DCDC1: variants seen among roughly 807,000 people sequenced by gnomAD.
The protein encoded by DCDC1 is doublecortin domain-containing protein 1.
In DCDC1, 200 loss-of-function variants were observed where a neutral mutation model predicts 178.3. The ratio of observed to expected loss-of-function variants is 1.12; its 90% CI spans 1.00 to 1.26. DCDC1 has a LOEUF of 1.26. Among genes scored for constraint, DCDC1 ranks in the 50% most tolerant of loss-of-function variants. The pLI is 0.00. For missense variants in DCDC1, 1,983 were observed against 1,749.2 expected, an observed-to-expected ratio of 1.13 and a Z score of -2.38; for synonymous variants, 690 against 604.8, an observed-to-expected ratio of 1.14 and a Z score of -2.07.
At chr11:31,248,985 A>C (rs918370785) in intron 8 of DCDC1, among the ~76,000 whole-genome samples, 1 of 152,148 alleles carries the variant, frequency 6.6e-6, no homozygotes, top group Non-Finnish European at 1.5e-5. Context: ...ATTTCATAAT[A>C]AACTTCTGGG....
At chr11:31,043,260 C>T (rs569209746) in intron 20 of DCDC1, among the ~76,000 whole-genome samples, 50 of 152,258 alleles carry the variant, frequency 3.3e-4, no homozygotes, top group African/African-American at 1.2e-3. Context: ...CTGATACATA[C>T]TTGTATGTAA....
intron 13 of DCDC1, among the ~76,000 whole-genome samples, 192 bp downstream of exon 13, chr11:31,106,605 C>G (rs208079): frequency 0.51 from 78,133 of 151,948 alleles, 20,725 homozygotes; most frequent in African/African-American, 0.65. Flanking sequence ...AAGTCACAGA[C>G]AGAGATAGAG....
intron 20 of DCDC1, among the ~76,000 whole-genome samples, chr11:31,063,861 A>T (rs1434970880): frequency 6.6e-6 from 1 of 152,182 alleles, no homozygotes; most frequent in African/African-American, 2.4e-5. Context: ...CAATTTATAA[A>T]GTCAGTTTAT....
intron 18 of DCDC1, among the ~76,000 whole-genome samples, chr11:31,071,546 C>T (rs576446068): frequency 6.6e-6 from 1 of 152,238 alleles, no homozygotes; most frequent in East Asian, 1.9e-4. Context: ...TGTAGCCCCT[C>T]CCATACTGTC....
rs561298328 is a variant in DCDC1 at position 31,301,827 on chromosome 11, C to A, written c.754+3788G>T. 3.9e-5 allele frequency among the ~76,000 whole-genome samples: 6 copies of A among 152,206 alleles called. No individual in the cohort carries two copies. In the South Asian group the frequency reaches 1.2e-3, roughly 32 times the overall value. ...TCTTGTCAATCACAAGCTGTCATAG[C>A]AAATTATTTCATTTTGTAGATCACA... On this transcript the variant is annotated intron_variant, in intron 6 of 38. Transcript: ENST00000684477.
chr11:31,224,123 C>G (rs61879860), intron 9 of DCDC1, among the ~76,000 whole-genome samples: 14,325 of 152,144 alleles, frequency 0.094, 961 homozygotes, highest in Non-Finnish European at 0.14. Flanking sequence ...CTTCATGATT[C>G]TGAGGCCTCC....
chr11:30,994,373 C>T (rs909739801), intron 20 of DCDC1, among the ~76,000 whole-genome samples: 2 of 151,918 alleles, frequency 1.3e-5, no homozygotes, highest in African/African-American at 2.4e-5. Flanking sequence ...CTCACTGCAA[C>T]CTCTGCCTCC....
chr11:30,941,947 G>A (rs529184640), intron 21 of DCDC1, among the ~76,000 whole-genome samples: 1 of 152,206 alleles, frequency 6.6e-6, no homozygotes, highest in African/African-American at 2.4e-5. Flanking sequence ...AGAATATCTT[G>A]CTTGGTAAAC....
intron 26 of DCDC1, among the ~76,000 whole-genome samples, chr11:30,916,075 G>T (rs898668278): frequency 1.3e-5 from 2 of 152,094 alleles, no homozygotes; most frequent in Non-Finnish European, 2.9e-5. Context: ...TAAAAACAGA[G>T]AAATAAAGGA....
chr11:30,991,274 T>C (rs1950964821), intron 20 of DCDC1, among the ~76,000 whole-genome samples: 1 of 152,030 alleles, frequency 6.6e-6, no homozygotes, highest in Non-Finnish European at 1.5e-5. Context: ...TAGACTGTAA[T>C]ACTAGGTATA....
At chr11:31,208,940 CTTT>C (rs373257887) in intron 9 of DCDC1, among the ~76,000 whole-genome samples, 1 of 152,000 alleles carries the variant, frequency 6.6e-6, no homozygotes. Context: ...CTGAAATTAT[CTTT>C]TTTTTATGTT....
chr11:31,137,170 A>G (rs1963234832), intron 10 of DCDC1, among the ~76,000 whole-genome samples: 1 of 152,146 alleles, frequency 6.6e-6, no homozygotes, highest in Admixed American at 6.5e-5. Flanking sequence ...CTTTTTTCAG[A>G]AAATTATATT....
chr11:31,346,694 A>C (rs1048360360), intron 1 of DCDC1, among the ~76,000 whole-genome samples: 1 of 152,130 alleles, frequency 6.6e-6, no homozygotes, highest in Admixed American at 6.5e-5. Flanking sequence ...TTTTTGTTAG[A>C]CATATAAACC....
At chr11:31,364,202 T>A (rs1951843554) in intron 1 of DCDC1, among the ~76,000 whole-genome samples, 1 of 152,218 alleles carries the variant, frequency 6.6e-6, no homozygotes, top group South Asian at 2.1e-4. Context: ...AATAATATTT[T>A]CAACTTAAAA....
Position 31,127,532 on chromosome 11 carries a change from A to C in DCDC1, c.1422T>G (p.Tyr474Ter). 1 of 702,786 alleles carries C rather than the reference A, an allele frequency of 1.4e-6. No homozygotes were observed. The allele number at this position is 702,786 out of a possible 1,614,324, so 43.5% of individuals were successfully genotyped here. ...LQAEQEQFSSYVYQHIKSLPA... is the reference protein window; with the variant it reads ...LQAEQEQFSS ...GAAGGCTTTTAATGTGTTGGTAGAC[A>C]TAAGAGGAGAATTGCTCCTGCTCAG... The change falls in exon 11 of 39, where the codon TAT becomes TAG. Residue 474 changes from tyrosine to a stop codon, truncating the protein, a stop_gained. Transcript: ENST00000684477. LOFTEE classifies it high-confidence loss of function.
intron 20 of DCDC1, among the ~76,000 whole-genome samples, chr11:31,059,146 A>G (rs1955773380): frequency 6.6e-6 from 1 of 152,136 alleles, no homozygotes; most frequent in Non-Finnish European, 1.5e-5. Context: ...TAAAATGCTT[A>G]CTTGAAAATC....
At chr11:31,243,759 GA>G (rs1209271741) in intron 8 of DCDC1, among the ~76,000 whole-genome samples, 1 of 151,756 alleles carries the variant, frequency 6.6e-6, no homozygotes, top group Non-Finnish European at 1.5e-5. Context: ...ATGTAATTAG[GA>G]ATACTATGGA....
At chr11:31,249,995 G>A (rs1943866613) in intron 8 of DCDC1, among the ~76,000 whole-genome samples, 1 of 152,028 alleles carries the variant, frequency 6.6e-6, no homozygotes, top group Non-Finnish European at 1.5e-5. Flanking sequence ...CTTGCATGGA[G>A]AGAGATTCAA....
At chr11:31,050,184 G>A (rs1341189917) in intron 20 of DCDC1, among the ~76,000 whole-genome samples, 1 of 152,128 alleles carries the variant, frequency 6.6e-6, no homozygotes, top group East Asian at 1.9e-4. Context: ...GAGTGGGATG[G>A]GCCCTTCAGT....
Sources: allele counts gnomAD v4.1 joint callset (sites outside exome capture counted in the v4.1 genomes callset), GRCh38; gene constraint gnomAD v4.1.1; transcripts MANE v1.5; gene names NCBI Gene and HGNC (gene_info 2026-07-23, HGNC 2026-07-21).